Variants in ANKRD33B observed in about 807,000 individuals in gnomAD.
The protein encoded by ANKRD33B is ankyrin repeat domain 33B, also known as ankyrin repeat domain-containing protein 33B.
ANKRD33B carries 6 observed loss-of-function variants against 21.5 expected under a neutral mutation model. That is an observed-to-expected ratio of 0.28 (90% confidence interval 0.15 to 0.55). The LOEUF (loss-of-function observed/expected upper bound fraction) is 0.55. ANKRD33B is among the 20% of genes least tolerant of loss of function. The probability of loss-of-function intolerance (pLI) is 0.94; values close to 1 mark genes in which losing one functional copy is unlikely to be tolerated. For synonymous variants in ANKRD33B, 347 were observed against 342.4 expected, an observed-to-expected ratio of 1.01 and a Z score of -0.15; for missense variants, 698 against 747.2, an observed-to-expected ratio of 0.93 and a Z score of 0.77.
intron 1 of ANKRD33B, among the ~76,000 whole-genome samples, chr5:10,595,639 G>A (rs1314138611): frequency 6.6e-6 from 1 of 152,172 alleles, no homozygotes; most frequent in Admixed American, 6.5e-5. Flanking sequence ...GAAGGAGAGG[G>A]GTTCAGAATC....
At chr5:10,588,294 CCTTT>C (rs1278743443) in intron 1 of ANKRD33B, among the ~76,000 whole-genome samples, 1 of 152,122 alleles carries the variant, frequency 6.6e-6, no homozygotes, top group Non-Finnish European at 1.5e-5. Context: ...CATGAGGGCA[CCTTT>C]CTTTGCCAGC....
At chr5:10,646,707 G>T (rs1389586555) in intron 3 of ANKRD33B, among the ~76,000 whole-genome samples, 1 of 152,114 alleles carries the variant, frequency 6.6e-6, no homozygotes, top group East Asian at 1.9e-4. Flanking sequence ...CACTTTTACT[G>T]CCCCCTTTTC....
Position 10,651,581 on chromosome 5 carries a change from G to A in ANKRD33B, c.*1468G>A, listed in dbSNP as rs1737358298. 1 of 152,320 alleles carries A rather than the reference G, an allele frequency of 6.6e-6. No homozygotes were observed. The highest frequency in any genetic ancestry group is 1.5e-5 in the Non-Finnish European group (1 of 68,028). 9.4% of individuals were successfully genotyped at this position (152,320 alleles called of 1,614,324 possible). A position where few individuals can be genotyped will look rare whatever the true frequency, so the allele number is the denominator to read the frequency against. On this transcript the variant is annotated 3_prime_UTR_variant, in exon 4 of 4. Coordinates refer to ENST00000296657, the MANE Select transcript of ANKRD33B (RefSeq NM_001164440.2). ...TTCTAATGGCTCTCTGGCCATGTGG[G>A]TTGTAGAGTGTCTGTCACATATGCA... is the stretch of plus-strand genomic sequence containing the variant.
At chr5:10,574,153 T>C (rs1010478609) in intron 1 of ANKRD33B, among the ~76,000 whole-genome samples, 1 of 152,248 alleles carries the variant, frequency 6.6e-6, no homozygotes, top group Non-Finnish European at 1.5e-5. Context: ...GTAGAAGATA[T>C]CCACCTTTTG....
intron 2 of ANKRD33B, among the ~76,000 whole-genome samples, chr5:10,620,517 T>A (rs1736397631): frequency 6.6e-6 from 1 of 152,088 alleles, no homozygotes; most frequent in Non-Finnish European, 1.5e-5. Flanking sequence ...GTCATGACAA[T>A]ATGAGAATGT....
At chr5:10,590,156 A>G (rs1278294180) in intron 1 of ANKRD33B, among the ~76,000 whole-genome samples, 1 of 152,146 alleles carries the variant, frequency 6.6e-6, no homozygotes, top group Non-Finnish European at 1.5e-5. Flanking sequence ...CATATTAGTT[A>G]TTTTAAAGCT....
chr5:10,639,920 G>T (rs1306242120), intron 3 of ANKRD33B, among the ~76,000 whole-genome samples: 1 of 42,032 alleles, frequency 2.4e-5, no homozygotes, highest in African/African-American at 5.9e-5. Context: ...GTGACGTGGG[G>T]TTGCGCGGCG....
intron 1 of ANKRD33B, among the ~76,000 whole-genome samples, chr5:10,568,479 A>G (rs12522627): frequency 0.15 from 23,137 of 152,254 alleles, 1,968 homozygotes; most frequent in Non-Finnish European, 0.19. Flanking sequence ...ATTAGGCCCA[A>G]ATACATGCTC....
At chr5:10,591,985 C>T (rs1001235630) in intron 1 of ANKRD33B, among the ~76,000 whole-genome samples, 9 of 151,816 alleles carry the variant, frequency 5.9e-5, no homozygotes, top group Non-Finnish European at 1.3e-4. Context: ...CATCAGTAAA[C>T]TATTTTAGGA....
At chr5:10,592,624 CA>C (rs35505524) in intron 1 of ANKRD33B, among the ~76,000 whole-genome samples, 108 of 134,912 alleles carry the variant, frequency 8.0e-4, no homozygotes, top group Admixed American at 1.1e-3. Context: ...GAGACTCTGT[CA>C]AAAAAAAAAA....
intron 1 of ANKRD33B, among the ~76,000 whole-genome samples, chr5:10,613,990 CGTGTGTGTGTGTGT>C (rs59864065): frequency 4.2e-5 from 6 of 141,290 alleles, no homozygotes; most frequent in African/African-American, 1.6e-4. Flanking sequence ...CCAGAGAAAT[CGTGTGTGTGTGTGT>C]GTGTGTGTGT....
intron 2 of ANKRD33B, among the ~76,000 whole-genome samples, chr5:10,622,794 C>CTTTTTTTTTT (rs1436392852): frequency 1.3e-5 from 1 of 78,602 alleles, no homozygotes; most frequent in African/African-American, 7.3e-5. Flanking sequence ...TTTGTTTTTG[C>CTTTTTTTTTT]TTTATTTTAT....
intron 1 of ANKRD33B, among the ~76,000 whole-genome samples, chr5:10,570,126 C>T (rs903124820): frequency 6.6e-6 from 1 of 152,306 alleles, no homozygotes; most frequent in Admixed American, 6.5e-5. Flanking sequence ...ATCCACCCAC[C>T]TCGGCCTCCC....
At chr5:10,601,962 ATGTGAGGGAGTGC>A (rs1020813535) in intron 1 of ANKRD33B, among the ~76,000 whole-genome samples, 29 of 152,344 alleles carry the variant, frequency 1.9e-4, no homozygotes, top group Middle Eastern at 3.4e-3. Context: ...GTTAGGGGGC[ATGTGAGGGAGTGC>A]TGTAGGCATC....
intron 1 of ANKRD33B, among the ~76,000 whole-genome samples, chr5:10,566,148 A>G (rs1251968983): frequency 6.6e-6 from 1 of 152,136 alleles, no homozygotes; most frequent in Non-Finnish European, 1.5e-5. Context: ...ATCACACAAC[A>G]TTTGAACTTG....
chr5:10,577,104 C>T (rs919651039), intron 1 of ANKRD33B, among the ~76,000 whole-genome samples: 1 of 151,670 alleles, frequency 6.6e-6, no homozygotes, highest in African/African-American at 2.4e-5. Context: ...CTTCCCCTTC[C>T]CCTTTCCCTT....
Position 10,592,450 on chromosome 5 carries a change from T to TAAAAA in ANKRD33B, c.367-25860_367-25856dup, listed in dbSNP as rs35660672. Among the ~76,000 whole-genome samples the TAAAAA allele has an allele frequency of 1.2e-4, 8 of 69,090 alleles. 1 individual carries two copies. Among genetic ancestry groups the TAAAAA allele is most frequent in the African/African-American group, 3.7e-4 (6 of 16,114 alleles). 45.3% of individuals were successfully genotyped at this position (69,090 alleles called of 152,430 possible). ...CAACATGGTGAAACCCCATCTCTACTAAAAAAAAAAAAAAAAAAAAAAAAA... is the reference window on the plus strand; with the variant it reads ...CAACATGGTGAAACCCCATCTCTACTAAAAAAAAAAAAAAAAAAAAAAAAAAAAAA... On this transcript the variant is annotated intron_variant, in intron 1 of 3. Coordinates refer to ENST00000296657, the MANE Select transcript of ANKRD33B (RefSeq NM_001164440.2).
rs1737509661 is a variant in ANKRD33B, at chr5:10,657,182, A to C, written c.*7069A>C. ...CGATGACAGGCCCAGAAATATGACC[A>C]GCAAGCCCGTGAGCCTTTGGGGCAT... is the stretch of plus-strand genomic sequence containing the variant. On this transcript the variant is annotated 3_prime_UTR_variant, in exon 4 of 4. Coordinates refer to ENST00000296657, the MANE Select transcript of ANKRD33B (RefSeq NM_001164440.2). 6.6e-6 allele frequency: 1 copy of C among 152,404 alleles called. No individual in the cohort carries two copies. The highest frequency in any genetic ancestry group is 2.4e-5 in the African/African-American group (1 of 41,476). 9.4% of individuals were successfully genotyped at this position (152,404 alleles called of 1,614,324 possible). A position where few individuals can be genotyped will look rare whatever the true frequency, so the allele number is the denominator to read the frequency against.
intron 1 of ANKRD33B, among the ~76,000 whole-genome samples, chr5:10,616,526 T>C (rs1208596517): frequency 7.0e-6 from 1 of 143,294 alleles, no homozygotes; most frequent in African/African-American, 2.6e-5. Context: ...ATCGCACCAT[T>C]GCACTCTAGC....
Sources: gnomAD v4.1 joint callset for allele counts (sites outside exome capture counted in the v4.1 genomes callset) on GRCh38, gnomAD v4.1.1 for gene constraint, MANE v1.5 for transcripts, NCBI Gene and HGNC (gene_info 2026-07-23, HGNC 2026-07-21) for gene names.